The following DOCK4 variants were observed in gnomAD, a reference collection of about 807,000 sequenced individuals.
DOCK4 encodes the protein dedicator of cytokinesis protein 4.
Under a neutral mutation model 268.1 loss-of-function variants are expected in DOCK4, and 97 were observed. The ratio of observed to expected loss-of-function variants is 0.36; its 90% CI spans 0.31 to 0.43. The LOEUF (loss-of-function observed/expected upper bound fraction) is 0.43, where lower values mean the gene tolerates loss of function less well. Among genes scored for constraint, DOCK4 ranks in the 20% least tolerant of loss-of-function variants. The pLI is 1.00. For synonymous variants in DOCK4, 954 were observed against 887.2 expected, an observed-to-expected ratio of 1.08 and a Z score of -1.34; for missense variants, 2,145 against 2,455.7, an observed-to-expected ratio of 0.87 and a Z score of 2.67.
intron 1 of DOCK4, among the ~76,000 whole-genome samples, chr7:112,077,736 G>T (rs1808211132): frequency 2.6e-5 from 4 of 152,080 alleles, no homozygotes; most frequent in Admixed American, 2.0e-4. Context: ...TAGGCTGAAT[G>T]TTGATGCTAG....
At chr7:111,898,844 C>T (rs1790886705) in intron 15 of DOCK4, among the ~76,000 whole-genome samples, 1 of 152,130 alleles carries the variant, frequency 6.6e-6, no homozygotes, top group African/African-American at 2.4e-5. Flanking sequence ...AGGTAGAGAT[C>T]CAATAGATTT....
chr7:111,982,953 A>G (rs1798722277), intron 7 of DOCK4, among the ~76,000 whole-genome samples: 1 of 152,248 alleles, frequency 6.6e-6, no homozygotes, highest in Non-Finnish European at 1.5e-5. Flanking sequence ...AGAGGCAGTG[A>G]TGACTTTAAC....
At position 112,057,212 on chromosome 7, in the gene DOCK4, G is replaced by A. The variant is rs575125004; in HGVS notation, c.38-53081C>T. Reference sequence around the variant, plus strand: ...GAGGATCACTTGAGCCCAGGAGTTCGAGACCAGCTTGGGCAACAGAACAAG... The same window carrying A: ...GAGGATCACTTGAGCCCAGGAGTTCAAGACCAGCTTGGGCAACAGAACAAG... On this transcript the variant is annotated intron_variant, in intron 1 of 52. Coordinates refer to ENST00000428084, the MANE Select transcript of DOCK4 (RefSeq NM_001363540.2). Among the ~76,000 whole-genome samples the A allele has an allele frequency of 6.6e-5, 10 of 151,974 alleles. No individual in the cohort carries two copies. The East Asian group carries it at 9.7e-4, about 15-fold the overall frequency.
chr7:111,946,400 G>A (rs1795624604), intron 8 of DOCK4, among the ~76,000 whole-genome samples: 1 of 152,096 alleles, frequency 6.6e-6, no homozygotes, highest in Non-Finnish European at 1.5e-5. Flanking sequence ...GCTCAGAACT[G>A]TTGTCCTTGC....
intron 8 of DOCK4, among the ~76,000 whole-genome samples, chr7:111,961,580 A>G (rs1236046205): frequency 6.6e-6 from 1 of 152,234 alleles, no homozygotes; most frequent in Non-Finnish European, 1.5e-5. Context: ...TCCTTTAAGG[A>G]TTTAAGCATA....
intron 1 of DOCK4, among the ~76,000 whole-genome samples, chr7:112,009,965 C>T (rs556164706): frequency 1.3e-5 from 2 of 152,100 alleles, no homozygotes; most frequent in Admixed American, 6.6e-5. Context: ...TGAAAGCGTT[C>T]GCCACCACAC....
At chr7:111,894,312 T>C (rs1232326085) in intron 16 of DOCK4, among the ~76,000 whole-genome samples, 3 of 152,220 alleles carry the variant, frequency 2.0e-5, no homozygotes, top group Non-Finnish European at 4.4e-5. Context: ...AGTTTTTGCT[T>C]GTAATCTCTT....
chr7:111,930,965 T>TGCTC (rs1415663716), intron 12 of DOCK4, among the ~76,000 whole-genome samples: 71 of 152,310 alleles, frequency 4.7e-4, no homozygotes, highest in Middle Eastern at 6.8e-3. Context: ...GAGCAGAATA[T>TGCTC]TAGAGTGAAG....
intron 1 of DOCK4, among the ~76,000 whole-genome samples, chr7:112,128,292 T>C (rs1235483210): frequency 6.7e-6 from 1 of 149,380 alleles, no homozygotes; most frequent in Non-Finnish European, 1.5e-5. Context: ...GGGAGGGAGG[T>C]GGGGGGGGTC....
chr7:112,032,740 A>G (rs1464198272), intron 1 of DOCK4, among the ~76,000 whole-genome samples: 10 of 152,176 alleles, frequency 6.6e-5, no homozygotes, highest in Non-Finnish European at 1.5e-4. Context: ...CCAAAGCCCC[A>G]CACTTGCCTT....
intron 8 of DOCK4, among the ~76,000 whole-genome samples, chr7:111,960,935 G>A (rs1283414257): frequency 6.6e-6 from 1 of 152,080 alleles, no homozygotes; most frequent in Non-Finnish European, 1.5e-5. Flanking sequence ...TCTGTTGATG[G>A]ACACTTATGT....
At chr7:111,791,237 G>A (rs1206718374) in intron 30 of DOCK4, among the ~76,000 whole-genome samples, 2 of 135,314 alleles carry the variant, frequency 1.5e-5, no homozygotes, top group Non-Finnish European at 3.0e-5. Context: ...AAAAGCAAGT[G>A]CAATACAGTA....
intron 1 of DOCK4, among the ~76,000 whole-genome samples, chr7:112,012,680 C>T (rs1410700964): frequency 1.3e-5 from 2 of 151,940 alleles, no homozygotes; most frequent in African/African-American, 2.4e-5. Context: ...GAAAAAAAAC[C>T]TCCTTTTTCC....
intron 27 of DOCK4, among the ~76,000 whole-genome samples, chr7:111,815,615 C>CATTTATTTAT (rs1563542868): frequency 4.2e-4 from 58 of 138,018 alleles, no homozygotes; most frequent in African/African-American, 1.9e-3. Flanking sequence ...TATTTATTTC[C>CATTTATTTAT]TTCCTTCCTT....
At chr7:111,800,683 C>T (rs1338019322) in intron 30 of DOCK4, among the ~76,000 whole-genome samples, 1 of 151,954 alleles carries the variant, frequency 6.6e-6, no homozygotes, top group Non-Finnish European at 1.5e-5. Flanking sequence ...TATCTTTTTT[C>T]GCCTAAAGGT....
At chr7:111,748,030 G>C (rs989790095) in intron 42 of DOCK4, among the ~76,000 whole-genome samples, 1 of 152,168 alleles carries the variant, frequency 6.6e-6, no homozygotes, top group South Asian at 2.1e-4. Flanking sequence ...ATTTGTTGGA[G>C]AGCCAAATAG....
chr7:111,957,345 A>G (rs1796523805), intron 8 of DOCK4, among the ~76,000 whole-genome samples: 1 of 152,200 alleles, frequency 6.6e-6, no homozygotes. Context: ...ACCATACAAA[A>G]GGATGATAAA....
intron 15 of DOCK4, among the ~76,000 whole-genome samples, chr7:111,899,748 C>A (rs1790976091): frequency 2.0e-5 from 3 of 152,200 alleles, no homozygotes; most frequent in African/African-American, 7.2e-5. Flanking sequence ...TATGGTGAAA[C>A]CCCGCCTGTA....
intron 1 of DOCK4, among the ~76,000 whole-genome samples, chr7:112,107,152 A>G (rs747883748): frequency 3.9e-5 from 6 of 152,216 alleles, no homozygotes; most frequent in Non-Finnish European, 7.3e-5. Context: ...ATACCTCACA[A>G]TCTAATGGGG....
Sources: gnomAD v4.1 joint callset for allele counts (sites outside exome capture counted in the v4.1 genomes callset) on GRCh38, gnomAD v4.1.1 for gene constraint, MANE v1.5 for transcripts, NCBI Gene and HGNC (gene_info 2026-07-23, HGNC 2026-07-21) for gene names.